The following STK10 variants were observed in gnomAD, a reference collection of about 807,000 sequenced individuals.
STK10 encodes the protein serine/threonine kinase 10.
In STK10, 78 loss-of-function variants were observed where a neutral mutation model predicts 113.8. That is an observed-to-expected ratio of 0.69 (90% CI 0.57 to 0.83). The LOEUF is 0.83. STK10 is among the 40% of genes least tolerant of loss of function. The pLI is 0.00. For synonymous variants in STK10, 465 were observed against 494.7 expected (o/e 0.94, Z 0.80); for missense variants, 1,109 against 1,280.1 (o/e 0.87, Z 2.04).
chr5:172,151,205 C>A (rs774162882), intron 2 of STK10, among the ~76,000 whole-genome samples: 6 of 152,176 alleles, frequency 3.9e-5, no homozygotes, highest in Admixed American at 1.3e-4. Flanking sequence ...CTGTGAAGAT[C>A]CCCATTCTAC....
chr5:172,163,134 A>G (rs956403320), intron 1 of STK10, among the ~76,000 whole-genome samples: 3 of 152,232 alleles, frequency 2.0e-5, no homozygotes, highest in Non-Finnish European at 4.4e-5. Context: ...TGATGATAAA[A>G]ACAGCTAACA....
At position 172,093,273 on chromosome 5, in the gene STK10, C is replaced by T; in HGVS notation, c.1554+139G>A. 1 of 865,134 alleles carries T rather than the reference C, an allele frequency of 1.2e-6. No homozygotes were observed. Among genetic ancestry groups the T allele is most frequent in the Non-Finnish European group, 1.8e-6 (1 of 571,370 alleles). 53.6% of individuals were successfully genotyped at this position (865,134 alleles called of 1,614,324 possible). A position where few individuals can be genotyped will look rare whatever the true frequency, so the allele number is the denominator to read the frequency against. On this transcript the variant is annotated intron_variant, in intron 9 of 18. Transcript: ENST00000176763. This position sits in a 1 kb window ranked among gnomAD's most constrained non-coding sequence, Gnocchi z 4.1. ...GAACCCAGATATTTTGGAGATTAAA[C>T]TATGAGTCAAACCCAAAACCCCCTA...
chr5:172,168,587 T>C (rs1581188806), intron 1 of STK10, among the ~76,000 whole-genome samples: 1 of 152,172 alleles, frequency 6.6e-6, no homozygotes, highest in Non-Finnish European at 1.5e-5. Flanking sequence ...AACCCTCTTA[T>C]GGTCTCTTGC....
intron 15 of STK10, chr5:172,056,966 A>G (rs13170819): frequency 0.093 from 8,109 of 87,082 alleles, 466 homozygotes; most frequent in African/African-American, 0.14. Context: ...AAAGAAAGAA[A>G]GAAAGAAAGA....
chr5:172,058,705 A>C (rs1003868943), intron 14 of STK10, among the ~76,000 whole-genome samples: 1 of 151,914 alleles, frequency 6.6e-6, no homozygotes, highest in Non-Finnish European at 1.5e-5. Flanking sequence ...GCCTGGGCAA[A>C]ATGGCGAAAC....
chr5:172,148,340 G>T (rs535073560), intron 2 of STK10, among the ~76,000 whole-genome samples: 1 of 152,076 alleles, frequency 6.6e-6, no homozygotes, highest in Non-Finnish European at 1.5e-5. Flanking sequence ...GGAGGTGCCC[G>T]GAGAGTACTA....
chr5:172,048,437 A>ACAC (rs1767545246), intron 18 of STK10, among the ~76,000 whole-genome samples: 1 of 151,566 alleles, frequency 6.6e-6, no homozygotes, highest in Non-Finnish European at 1.5e-5. Flanking sequence ...ACACACACAC[A>ACAC]CACACACACA....
chr5:172,178,488 C>A (rs1455670335), intron 1 of STK10, among the ~76,000 whole-genome samples: 3 of 152,232 alleles, frequency 2.0e-5, no homozygotes, highest in Non-Finnish European at 2.9e-5. Context: ...CCCCATGACA[C>A]ACTGGAAGCA....
At chr5:172,109,419 C>T (rs976806326) in intron 4 of STK10, among the ~76,000 whole-genome samples, 1 of 151,786 alleles carries the variant, frequency 6.6e-6, no homozygotes, top group African/African-American at 2.4e-5. Context: ...ACCTCCCAGG[C>T]TCAAGCAATC....
chr5:172,100,430 T>C (rs1403032039), intron 7 of STK10, among the ~76,000 whole-genome samples: 1 of 152,124 alleles, frequency 6.6e-6, no homozygotes, highest in Non-Finnish European at 1.5e-5. Context: ...CAAGCCTACT[T>C]TTCCTCTATG....
chr5:172,071,844 T>A (rs903840105), intron 12 of STK10, among the ~76,000 whole-genome samples: 1 of 152,216 alleles, frequency 6.6e-6, no homozygotes, highest in Non-Finnish European at 1.5e-5. Context: ...TTGCAATAAA[T>A]CACTCTATGC....
At chr5:172,173,673 A>C (rs962781249) in intron 1 of STK10, among the ~76,000 whole-genome samples, 2 of 152,172 alleles carry the variant, frequency 1.3e-5, no homozygotes, top group African/African-American at 4.8e-5. Context: ...CTGATCCCAG[A>C]ACGCTTTACA....
At chr5:172,134,198 A>G (rs542439853) in intron 2 of STK10, among the ~76,000 whole-genome samples, 25 of 152,328 alleles carry the variant, frequency 1.6e-4, no homozygotes, top group Admixed American at 3.3e-4. Flanking sequence ...GCAAACTGGC[A>G]GAAGTACTGC....
intron 2 of STK10, among the ~76,000 whole-genome samples, chr5:172,155,083 G>A (rs1770320585): frequency 7.5e-6 from 1 of 132,562 alleles, no homozygotes; most frequent in Non-Finnish European, 1.6e-5. Flanking sequence ...TATGCACAGA[G>A]AGGAAGATGA....
At chr5:172,091,980 A>G (rs1271774354) in intron 9 of STK10, among the ~76,000 whole-genome samples, 1 of 150,510 alleles carries the variant, frequency 6.6e-6, no homozygotes, top group Non-Finnish European at 1.5e-5. Context: ...AGAGGGGCAG[A>G]CTGTTTTTGC....
At chr5:172,088,580 T>C (rs1164879844) in intron 10 of STK10, among the ~76,000 whole-genome samples, 2 of 152,226 alleles carry the variant, frequency 1.3e-5, no homozygotes, top group African/African-American at 4.8e-5. Flanking sequence ...TATAAAAATA[T>C]GTGATTAATG....
At chr5:172,170,554 C>A (rs1217879173) in intron 1 of STK10, among the ~76,000 whole-genome samples, 2 of 152,236 alleles carry the variant, frequency 1.3e-5, no homozygotes, top group East Asian at 3.8e-4. Flanking sequence ...AACACTGTCT[C>A]CCTCAGGGAG....
chr5:172,093,714 T>C lies in STK10; in HGVS notation c.1252A>G (p.Met418Val), dbSNP rs1411188349. Reference sequence around the variant, plus strand: ...TGGGCTACCTGAATTCTGGCATCCATTGACACGGGTCGGGACTTCCGCAGG... The same window carrying C: ...TGGGCTACCTGAATTCTGGCATCCACTGACACGGGTCGGGACTTCCGCAGG... ...VPLRKSRPVS[M>V]DARIQVAQEK... The change falls in exon 9 of 19, where the codon ATG becomes GTG. Residue 418 changes from methionine (M) to valine (V), a missense_variant. Physicochemically the swap from Met to Val is conservative, Grantham distance 21. Coordinates refer to ENST00000176763, the MANE Select transcript of STK10 (RefSeq NM_005990.4). This position sits in a 1 kb window ranked among gnomAD's most constrained non-coding sequence, Gnocchi z 4.1. The C allele has an allele frequency of 2.5e-6, 4 of 1,614,160 alleles. No individual in the cohort carries two copies. The highest frequency in any genetic ancestry group is 2.2e-5 in the East Asian group (1 of 44,886).
chr5:172,103,624 C>T (rs1403591296), intron 7 of STK10, among the ~76,000 whole-genome samples: 1 of 152,104 alleles, frequency 6.6e-6, no homozygotes, highest in Non-Finnish European at 1.5e-5. Context: ...CCAACAATAC[C>T]CAGAAAATGA....
Sources: gnomAD v4.1 joint callset for allele counts (sites outside exome capture counted in the v4.1 genomes callset) on GRCh38, gnomAD v4.1.1 for gene constraint, Gnocchi (gnomAD v3.1) non-coding constraint, MANE v1.5 for transcripts, NCBI Gene and HGNC (gene_info 2026-07-23, HGNC 2026-07-21) for gene names.